Variants in CNTN5 observed in about 807,000 individuals in gnomAD.
CNTN5 encodes contactin 5, also known as contactin-5.
In CNTN5, 77 loss-of-function variants were observed where a neutral mutation model predicts 129.1. The observed-to-expected ratio is 0.60, with a 90% CI of 0.50 to 0.72. CNTN5 has a LOEUF of 0.72. Ranked by LOEUF, CNTN5 falls within the 30% of genes least tolerant of loss-of-function variation. CNTN5 has a pLI of 0.00. For missense variants in CNTN5, 1,478 were observed against 1,328.8 expected, an observed-to-expected ratio of 1.11 and a Z score of -1.75; for synonymous variants, 509 against 465.6, an observed-to-expected ratio of 1.09 and a Z score of -1.20.
At chr11:99,827,333 C>A (rs190925406) in intron 4 of CNTN5, among the ~76,000 whole-genome samples, 3 of 152,186 alleles carry the variant, frequency 2.0e-5, no homozygotes, top group African/African-American at 4.8e-5. Context: ...AGGCGATCCA[C>A]GCACCTTGAC....
At chr11:99,206,767 T>G (rs911037660) in intron 1 of CNTN5, among the ~76,000 whole-genome samples, 1 of 152,162 alleles carries the variant, frequency 6.6e-6, no homozygotes, top group Non-Finnish European at 1.5e-5. Context: ...GGATTTTGGA[T>G]AACAATTTAA....
At chr11:99,381,294 C>A (rs1008245922) in intron 2 of CNTN5, among the ~76,000 whole-genome samples, 4 of 152,054 alleles carry the variant, frequency 2.6e-5, no homozygotes, top group Admixed American at 2.0e-4. Flanking sequence ...AGTCTTCTCA[C>A]AGGAAATATC....
In CNTN5 at chr11:100,356,557, G is replaced by A. The variant is rs918258259; in HGVS notation, c.*337G>A. The A allele has an allele frequency of 2.2e-5, 5 of 231,338 alleles. No homozygotes were observed. Among genetic ancestry groups the A allele is most frequent in the Non-Finnish European group, 2.5e-5 (3 of 118,538 alleles). 14.3% of individuals were successfully genotyped at this position (231,338 alleles called of 1,614,324 possible). A position where few individuals can be genotyped will look rare whatever the true frequency, so the allele number is the denominator to read the frequency against. On this transcript the variant is annotated 3_prime_UTR_variant, in exon 25 of 25. Transcript: ENST00000524871. Reference sequence around the variant, plus strand: ...TTATATCTGATGACTCCGAGTGTGTGCCATCCATTTGTTAAGTAACTGGCC... The same window carrying A: ...TTATATCTGATGACTCCGAGTGTGTACCATCCATTTGTTAAGTAACTGGCC...
At chr11:99,958,217 G>C (rs544241862) in intron 8 of CNTN5, among the ~76,000 whole-genome samples, 12 of 152,322 alleles carry the variant, frequency 7.9e-5, no homozygotes, top group African/African-American at 2.9e-4. Flanking sequence ...GGCGATAAAT[G>C]ACTGAACAAA....
At chr11:99,218,154 T>C (rs1860223479) in intron 1 of CNTN5, among the ~76,000 whole-genome samples, 1 of 152,162 alleles carries the variant, frequency 6.6e-6, no homozygotes, top group South Asian at 2.1e-4. Context: ...TCATGTCACC[T>C]CGTGTATGAA....
At position 99,956,823 on chromosome 11, in the gene CNTN5, G is replaced by A. The variant is rs540994363; in HGVS notation, c.691G>A (p.Val231Ile). Residue 231 changes from valine to isoleucine, a missense_variant, in exon 8 of 25, where the codon GTA (valine) becomes ATA (isoleucine). Transcript: ENST00000524871. ...PHSPEIIYSW[V>I]FNEFPSFVAE... is the part of the protein sequence containing the mutation. The stretch of plus-strand genomic sequence containing the variant: ...ATTTTCAGAGATCATCTATAGCTGG[G>A]TATTTAATGAGTTCCCTTCCTTTGT... The A allele has an allele frequency of 2.0e-5, 33 of 1,613,720 alleles. No individual in the cohort carries two copies. Among genetic ancestry groups the A allele is most frequent in the Non-Finnish European group, 2.6e-5 (31 of 1,179,796 alleles).
chr11:99,731,212 A>G (rs1591053043), intron 3 of CNTN5, among the ~76,000 whole-genome samples: 3 of 150,720 alleles, frequency 2.0e-5, no homozygotes, highest in Admixed American at 1.3e-4. Context: ...GGTTCACGCC[A>G]TTCTCCTGCC....
intron 9 of CNTN5, among the ~76,000 whole-genome samples, chr11:100,010,326 G>GA (rs928092889): frequency 3.9e-5 from 6 of 151,952 alleles, no homozygotes; most frequent in South Asian, 2.1e-4. Context: ...GGTAAGGGGG[G>GA]AAAAAAAGAA....
chr11:100,136,784 T>G (rs1177762496), intron 13 of CNTN5, among the ~76,000 whole-genome samples: 1 of 20,194 alleles, frequency 5.0e-5, no homozygotes, highest in Non-Finnish European at 7.1e-5. Flanking sequence ...GGTTTCCACA[T>G]TGTTAAAAAA....
At chr11:99,316,161 G>C (rs1591512535) in intron 1 of CNTN5, among the ~76,000 whole-genome samples, 2 of 151,896 alleles carry the variant, frequency 1.3e-5, no homozygotes, top group Admixed American at 1.3e-4. Context: ...CAAGGCCAAG[G>C]GCATCATCCT....
At chr11:99,322,829 C>T (rs1389688564) in intron 1 of CNTN5, among the ~76,000 whole-genome samples, 1 of 152,112 alleles carries the variant, frequency 6.6e-6, no homozygotes, top group East Asian at 1.9e-4. Flanking sequence ...CAGGTGATTA[C>T]ATGGCTTTTA....
intron 4 of CNTN5, among the ~76,000 whole-genome samples, chr11:99,820,594 C>A (rs74465504): frequency 3.7e-4 from 6 of 16,372 alleles, no homozygotes; most frequent in Admixed American, 1.3e-3. Flanking sequence ...GCAGGATGAA[C>A]GGCACCTGTT....
intron 1 of CNTN5, among the ~76,000 whole-genome samples, chr11:99,184,244 T>C (rs1349872891): frequency 2.0e-5 from 3 of 152,142 alleles, no homozygotes; most frequent in African/African-American, 7.2e-5. Context: ...ATCTGTGCTC[T>C]TGGCATCTCC....
chr11:99,037,617 C>G lies in CNTN5; in HGVS notation c.-210+16347C>G, dbSNP rs576339426. Among the ~76,000 whole-genome samples the G allele has an allele frequency of 1.5e-4, 19 of 128,314 alleles. 1 individual carries two copies. The highest frequency in any genetic ancestry group is 1.3e-3 in the Admixed American group (15 of 11,186). 84.2% of individuals were successfully genotyped at this position (128,314 alleles called of 152,430 possible). ...TTTTTTTAACATGGAGTCTCGCTCTCTTACCCAGGGTGGATTGCAGTGATG... is the reference window on the plus strand; with the variant it reads ...TTTTTTTAACATGGAGTCTCGCTCTGTTACCCAGGGTGGATTGCAGTGATG... On this transcript the variant is annotated intron_variant, in intron 1 of 24. Coordinates refer to ENST00000524871, the MANE Select transcript of CNTN5 (RefSeq NM_014361.4).
chr11:99,697,704 C>G (rs61605444), intron 3 of CNTN5, among the ~76,000 whole-genome samples: 26,203 of 151,478 alleles, frequency 0.17, 2,404 homozygotes, highest in African/African-American at 0.19. Flanking sequence ...AATATAGATT[C>G]ACTAAGTTTT....
At chr11:99,626,371 C>T (rs1021539194) in intron 3 of CNTN5, among the ~76,000 whole-genome samples, 23 of 152,198 alleles carry the variant, frequency 1.5e-4, no homozygotes, top group Admixed American at 4.6e-4. Flanking sequence ...AATAGAAGGA[C>T]ACTTTAAAGA....
rs571754384 is a variant in CNTN5, at chr11:99,680,196, A to G, written c.55+123927A>G. ...TCTATCTAAGATCATGGACAAAACT[A>G]TCTGAAAAAACAAATTTTCAATATA... On this transcript the variant is annotated intron_variant, in intron 3 of 24. Transcript: ENST00000524871. Among the ~76,000 whole-genome samples, 6 of 152,334 alleles carry G rather than the reference A, an allele frequency of 3.9e-5. No individual in the cohort carries two copies. The East Asian group carries it at 5.8e-4, about 15-fold the overall frequency.
At chr11:99,231,178 A>T (rs1860975971) in intron 1 of CNTN5, among the ~76,000 whole-genome samples, 1 of 152,180 alleles carries the variant, frequency 6.6e-6, no homozygotes, top group African/African-American at 2.4e-5. Flanking sequence ...CAGTAACGGA[A>T]TTGCTTAGTC....
intron 1 of CNTN5, among the ~76,000 whole-genome samples, chr11:99,146,750 C>G (rs1335560591): frequency 1.3e-5 from 2 of 151,972 alleles, no homozygotes; most frequent in Non-Finnish European, 2.9e-5. Context: ...AAGCTGGGGT[C>G]TCATTCTGTC....
Sources: allele counts gnomAD v4.1 joint callset (sites outside exome capture counted in the v4.1 genomes callset), GRCh38; gene constraint gnomAD v4.1.1; transcripts MANE v1.5; gene names NCBI Gene and HGNC (gene_info 2026-07-23, HGNC 2026-07-21).